The following WWOX variants were observed in gnomAD, a reference collection of about 807,000 sequenced individuals.
WWOX encodes the protein WW domain containing oxidoreductase.
Under a neutral mutation model 46.2 loss-of-function variants are expected in WWOX, and 69 were observed. The observed-to-expected ratio is 1.49, with a 90% CI of 1.23 to 1.82. The LOEUF (loss-of-function observed/expected upper bound fraction) is 1.82. Ranked by LOEUF, WWOX falls within the 40% of genes most tolerant of loss-of-function variation. WWOX has a pLI of 0.00. For missense variants in WWOX, 919 were observed against 542.6 expected (o/e 1.69, Z -6.89); for synonymous variants, 359 against 202.6 (o/e 1.77, Z -6.56).
intron 5 of WWOX, among the ~76,000 whole-genome samples, chr16:78,367,723 G>A (rs1383168122): frequency 6.6e-6 from 1 of 151,978 alleles, no homozygotes; most frequent in African/African-American, 2.4e-5. Flanking sequence ...ACAATGGACG[G>A]AGAACTACCA....
intron 8 of WWOX, among the ~76,000 whole-genome samples, chr16:78,999,083 G>A (rs763574002): frequency 6.6e-5 from 10 of 152,016 alleles, no homozygotes; most frequent in Non-Finnish European, 1.2e-4. Context: ...ATCAAAAGTA[G>A]GTTTGCGCAA....
chr16:78,947,241 T>G (rs2045967147), intron 8 of WWOX, among the ~76,000 whole-genome samples: 1 of 152,144 alleles, frequency 6.6e-6, no homozygotes, highest in Non-Finnish European at 1.5e-5. Flanking sequence ...ATGAGTTTGC[T>G]AAATGTTATA....
At chr16:78,731,108 T>G (rs1036529995) in intron 8 of WWOX, among the ~76,000 whole-genome samples, 17 of 152,210 alleles carry the variant, frequency 1.1e-4, no homozygotes, top group African/African-American at 3.6e-4. Context: ...TGCTTGCTTT[T>G]GTTTTTTGAG....
intron 8 of WWOX, among the ~76,000 whole-genome samples, chr16:78,662,297 G>A (rs1462282290): frequency 6.6e-6 from 1 of 152,194 alleles, no homozygotes; most frequent in East Asian, 1.9e-4. Flanking sequence ...AGGTCACCAG[G>A]ATTCACTGAG....
intron 8 of WWOX, among the ~76,000 whole-genome samples, chr16:78,538,711 C>T (rs781585042): frequency 4.6e-5 from 7 of 152,086 alleles, no homozygotes; most frequent in Admixed American, 1.3e-4. Context: ...GTTAAGGGAC[C>T]AGGTTAATCT....
chr16:78,679,413 T>G (rs2047678014), intron 8 of WWOX, among the ~76,000 whole-genome samples: 1 of 152,152 alleles, frequency 6.6e-6, no homozygotes, highest in Admixed American at 6.5e-5. Context: ...TAGCCAGGCA[T>G]GGTGGTGTGG....
At chr16:79,092,096 A>G (rs1036037041) in intron 8 of WWOX, among the ~76,000 whole-genome samples, 3 of 151,954 alleles carry the variant, frequency 2.0e-5, no homozygotes, top group African/African-American at 7.2e-5. Context: ...TTTTTCTTTT[A>G]AAGAAATGTG....
At chr16:78,760,654 C>T (rs765691958) in intron 8 of WWOX, among the ~76,000 whole-genome samples, 1 of 152,202 alleles carries the variant, frequency 6.6e-6, no homozygotes, top group Non-Finnish European at 1.5e-5. Flanking sequence ...CCAAGTCCTA[C>T]AGTCAGCATC....
At chr16:78,123,471 T>TTTTTTTTTTTTTTTTTTTTTTTTTTTC in intron 4 of WWOX, 1 of 122,564 alleles carries the variant, frequency 8.2e-6, no homozygotes, top group African/African-American at 3.3e-5. Context: ...TTTTTTTGTT[T>TTTTTTTTTTTTTTTTTTTTTTTTTTTC]TTTTGAGATG....
chr16:78,740,008 C>T (rs1411320354), intron 8 of WWOX, among the ~76,000 whole-genome samples: 3 of 152,084 alleles, frequency 2.0e-5, no homozygotes, highest in Non-Finnish European at 4.4e-5. Flanking sequence ...GGAGTCGAGC[C>T]CTGTGGTGTG....
intron 1 of WWOX, among the ~76,000 whole-genome samples, chr16:78,102,597 C>T (rs940979217): frequency 6.6e-6 from 1 of 152,238 alleles, no homozygotes; most frequent in African/African-American, 2.4e-5. Flanking sequence ...AAGGCTCCTT[C>T]TCATCCTTCA....
chr16:78,950,533 T>TAA (rs1555575726), intron 8 of WWOX, among the ~76,000 whole-genome samples: 1 of 146,960 alleles, frequency 6.8e-6, no homozygotes, highest in Non-Finnish European at 1.5e-5. Flanking sequence ...CACACACACA[T>TAA]ACACACACAC....
At chr16:78,733,514 G>A (rs540214416) in intron 8 of WWOX, among the ~76,000 whole-genome samples, 2 of 151,576 alleles carry the variant, frequency 1.3e-5, no homozygotes, top group East Asian at 2.0e-4. Context: ...CTGGGAGGAC[G>A]AGGTGGGCGG....
intron 8 of WWOX, chr16:78,825,548 G>A: frequency 1.9e-6 from 1 of 529,082 alleles, no homozygotes; most frequent in Non-Finnish European, 3.8e-6. Flanking sequence ...ATGCTGAAAA[G>A]GTGGCCCCAG....
chr16:79,086,075 A>AG (rs2048849055), intron 8 of WWOX, among the ~76,000 whole-genome samples: 1 of 151,562 alleles, frequency 6.6e-6, no homozygotes, highest in African/African-American at 2.4e-5. Context: ...CCATCTCCAA[A>AG]AAAAAGAGCA....
intron 8 of WWOX, among the ~76,000 whole-genome samples, chr16:78,844,613 A>G (rs1543296): frequency 0.71 from 107,308 of 151,988 alleles, 38,139 homozygotes; most frequent in Middle Eastern, 0.76. Context: ...GAATTCTGGC[A>G]GGGTTATAAA....
chr16:78,314,496 A>G (rs1597471275), intron 5 of WWOX, among the ~76,000 whole-genome samples: 1 of 145,216 alleles, frequency 6.9e-6, no homozygotes, highest in African/African-American at 2.5e-5. Flanking sequence ...CACCAAGTCC[A>G]CCTCTATCAG....
At chr16:78,629,234 A>AT (rs113735206) in intron 8 of WWOX, among the ~76,000 whole-genome samples, 80,761 of 148,036 alleles carry the variant, frequency 0.55, 22,481 homozygotes, top group Non-Finnish European at 0.61. Context: ...TCTCTTGGGT[A>AT]TTTTATTTTT....
chr16:78,332,424 A>T (rs190975608), intron 5 of WWOX, among the ~76,000 whole-genome samples: 25 of 152,306 alleles, frequency 1.6e-4, no homozygotes, highest in African/African-American at 6.0e-4. Context: ...CCAGCGGAGT[A>T]GCCTGTGATT....
Sources: allele counts gnomAD v4.1 joint callset (sites outside exome capture counted in the v4.1 genomes callset), GRCh38; gene constraint gnomAD v4.1.1; transcripts MANE v1.5; gene names NCBI Gene and HGNC (gene_info 2026-07-23, HGNC 2026-07-21).